The following SERPINB5 variants were observed in gnomAD, a reference collection of about 807,000 sequenced individuals.
SERPINB5 encodes serpin B5.
SERPINB5 carries 27 observed loss-of-function variants against 32.2 expected under a neutral mutation model. That is an observed-to-expected ratio of 0.84 (90% CI 0.62 to 1.16). SERPINB5 has a LOEUF of 1.16. SERPINB5 is among the 50% of genes most tolerant of loss of function. The pLI is 0.00. For missense variants in SERPINB5, 388 were observed against 436.3 expected, an observed-to-expected ratio of 0.89 and a Z score of 0.99; for synonymous variants, 154 against 157.4, an observed-to-expected ratio of 0.98 and a Z score of 0.16.
chr18:63,496,412 A>T (rs1276720971), intron 5 of SERPINB5, among the ~76,000 whole-genome samples: 3 of 152,208 alleles, frequency 2.0e-5, no homozygotes, highest in Non-Finnish European at 4.4e-5. Flanking sequence ...GTCTTCCATT[A>T]TTTATCAGCC....
Position 63,504,601 on chromosome 18 carries a change from A to G in SERPINB5, c.*879A>G, listed in dbSNP as rs1909640874. ...CAGATCTTAATATAAATTCACTTTC[A>G]TTTTTGATAGCTGTCCCATCTGGTC... On this transcript the variant is annotated 3_prime_UTR_variant, in exon 7 of 7. Coordinates refer to ENST00000382771, the MANE Select transcript of SERPINB5 (RefSeq NM_002639.5). 1 of 152,196 alleles carries G rather than the reference A, an allele frequency of 6.6e-6. No homozygotes were observed. Among genetic ancestry groups the G allele is most frequent in the Non-Finnish European group, 1.5e-5 (1 of 68,030 alleles). The allele number at this position is 152,196 out of a possible 1,614,324, so 9.4% of individuals were successfully genotyped here.
intron 1 of SERPINB5, among the ~76,000 whole-genome samples, chr18:63,478,217 T>C (rs1181134025): frequency 3.3e-5 from 5 of 152,190 alleles, no homozygotes; most frequent in African/African-American, 1.2e-4. Context: ...GGGTTGTGGA[T>C]TGACTTTGGG....
At chr18:63,487,599 T>G (rs773909099) in intron 3 of SERPINB5, among the ~76,000 whole-genome samples, 14 of 152,210 alleles carry the variant, frequency 9.2e-5, no homozygotes, top group Admixed American at 2.6e-4. Context: ...CAAATTAGTT[T>G]TGTTGGCTGG....
intron 1 of SERPINB5, among the ~76,000 whole-genome samples, chr18:63,478,229 C>T (rs1835526839): frequency 6.6e-6 from 1 of 152,108 alleles, no homozygotes; most frequent in South Asian, 2.1e-4. Flanking sequence ...GACTTTGGGG[C>T]TATGCAGTCT....
intron 1 of SERPINB5, among the ~76,000 whole-genome samples, chr18:63,480,920 C>G (rs2144492400): frequency 6.6e-6 from 1 of 152,274 alleles, no homozygotes; most frequent in Admixed American, 6.5e-5. Flanking sequence ...CCTTCCCAGA[C>G]ATGAAGGAGA....
Position 63,503,574 on chromosome 18 carries a change from C to G in SERPINB5, c.980C>G (p.Thr327Ser), listed in dbSNP as rs752713246. The G allele has an allele frequency of 1.3e-5, 21 of 1,614,130 alleles. No homozygotes were observed. The highest frequency in any genetic ancestry group is 1.8e-5 in the Non-Finnish European group (21 of 1,180,048). ...NVIHKVCLEI[T>S]EDGGDSIEVP... ...ATCCACAAAGTGTGCTTAGAAATAACTGAAGATGGTGGGGATTCCATAGAG... is the reference window on the plus strand; with the variant it reads ...ATCCACAAAGTGTGCTTAGAAATAAGTGAAGATGGTGGGGATTCCATAGAG... The change falls in exon 7 of 7, where the codon ACT (threonine) becomes AGT (serine). Residue 327 changes from threonine to serine, a missense_variant. Transcript: ENST00000382771.
chr18:63,488,916 CCA>C (rs1917256509), intron 3 of SERPINB5, among the ~76,000 whole-genome samples: 1 of 152,088 alleles, frequency 6.6e-6, no homozygotes, highest in South Asian at 2.1e-4. Context: ...CCACCTTGGA[CCA>C]CAGTTTGAGT....
At chr18:63,501,650 G>A (rs1188664286) in intron 6 of SERPINB5, among the ~76,000 whole-genome samples, 3 of 152,042 alleles carry the variant, frequency 2.0e-5, no homozygotes, top group South Asian at 2.1e-4. Context: ...ACTTGTTTAC[G>A]GTCCCACCAA....
At chr18:63,486,753 G>A in intron 2 of SERPINB5, 193 bp from the exon 3 acceptor site, 1 of 488,392 alleles carries the variant, frequency 2.0e-6, no homozygotes, top group Non-Finnish European at 3.7e-6. Context: ...GCATCCTGCA[G>A]TGCCCAGGAC....
At chr18:63,494,622 A>G (rs1165791675) in intron 5 of SERPINB5, among the ~76,000 whole-genome samples, 3 of 152,172 alleles carry the variant, frequency 2.0e-5, no homozygotes, top group African/African-American at 7.2e-5. Context: ...CAAATATAGT[A>G]GCACCTTCTT....
intron 6 of SERPINB5, 37 bp downstream of exon 6, chr18:63,499,324 C>A: frequency 7.0e-7 from 1 of 1,436,708 alleles, no homozygotes; most frequent in South Asian, 1.7e-5. Flanking sequence ...AAAGGCACCC[C>A]CTGCCTTGGC....
At chr18:63,495,658 G>A (rs1056038079) in intron 5 of SERPINB5, among the ~76,000 whole-genome samples, 3 of 152,172 alleles carry the variant, frequency 2.0e-5, no homozygotes, top group Admixed American at 6.5e-5. Context: ...AAGTATTAAC[G>A]TGTGTTTTTT....
intron 5 of SERPINB5, among the ~76,000 whole-genome samples, chr18:63,497,588 C>A (rs540274242): frequency 6.7e-6 from 1 of 150,086 alleles, no homozygotes; most frequent in Non-Finnish European, 1.5e-5. Flanking sequence ...TTTTAAAGAA[C>A]ATTTTCCTTT....
At chr18:63,495,713 A>C (rs1468884919) in intron 5 of SERPINB5, among the ~76,000 whole-genome samples, 1 of 152,218 alleles carries the variant, frequency 6.6e-6, no homozygotes, top group Non-Finnish European at 1.5e-5. Context: ...TCTTGCTATT[A>C]AATCATAAAG....
intron 1 of SERPINB5, among the ~76,000 whole-genome samples, chr18:63,483,061 C>A (rs1917150817): frequency 6.6e-6 from 1 of 152,102 alleles, no homozygotes; most frequent in South Asian, 2.1e-4. Flanking sequence ...CATGGACCTC[C>A]TGAAAGGGTG....
Position 63,497,298 on chromosome 18 carries a change from C to G in SERPINB5, c.568-1822C>G, listed in dbSNP as rs372048192. ...TTGGTTATTCCAGGAACCCATCTCT[C>G]AAGCAGCAGCTCTTCTCCTATGCGA... On this transcript the variant is annotated intron_variant, in intron 5 of 6. Coordinates refer to ENST00000382771, the MANE Select transcript of SERPINB5 (RefSeq NM_002639.5). 8.7e-6 allele frequency: 11 copies of G among 1,262,166 alleles called. No individual in the cohort carries two copies. In the East Asian group the frequency reaches 2.2e-4, roughly 25 times the overall value. 78.2% of individuals were successfully genotyped at this position (1,262,166 alleles called of 1,614,324 possible). A position where few individuals can be genotyped will look rare whatever the true frequency, so the allele number is the denominator to read the frequency against.
At position 63,503,551 on chromosome 18, in the gene SERPINB5, C is replaced by T. The variant is rs181635681; in HGVS notation, c.957C>T (p.Ile319=). The T allele has an allele frequency of 1.6e-5, 26 of 1,614,224 alleles. No individual in the cohort carries two copies. In the East Asian group the frequency reaches 4.0e-4, roughly 25 times the overall value. The part of the protein sequence containing the change: ...ETKGVALSNV[I]HKVCLEITED... ...AGGGAGTGGCCCTATCAAATGTTAT[C>T]CACAAAGTGTGCTTAGAAATAACTG... Residue 319 remains isoleucine, a synonymous_variant, in exon 7 of 7, where the codon ATC becomes ATT. Transcript: ENST00000382771.
intron 2 of SERPINB5, among the ~76,000 whole-genome samples, chr18:63,485,153 T>C (rs1435953701): frequency 6.6e-6 from 1 of 152,168 alleles, no homozygotes; most frequent in Non-Finnish European, 1.5e-5. Flanking sequence ...ACTTATAATA[T>C]TTTCAATTTA....
chr18:63,480,108 C>A (rs540727423), intron 1 of SERPINB5, among the ~76,000 whole-genome samples: 1 of 152,284 alleles, frequency 6.6e-6, no homozygotes, highest in Admixed American at 6.5e-5. Flanking sequence ...CTCACTTCAT[C>A]TTTGTCTGCC....
Sources: allele counts gnomAD v4.1 joint callset (sites outside exome capture counted in the v4.1 genomes callset), GRCh38; gene constraint gnomAD v4.1.1; transcripts MANE v1.5; gene names NCBI Gene and HGNC (gene_info 2026-07-23, HGNC 2026-07-21).